The following TMEM165 variants were observed in gnomAD, a reference collection of about 807,000 sequenced individuals.
TMEM165 encodes transmembrane protein 165.
In TMEM165, 19 loss-of-function variants were observed where a neutral mutation model predicts 30.0. The observed-to-expected ratio is 0.63, with a 90% CI of 0.44 to 0.93. The LOEUF (loss-of-function observed/expected upper bound fraction) is 0.93, where lower values mean the gene tolerates loss of function less well. Among genes scored for constraint, TMEM165 ranks in the 40% least tolerant of loss-of-function variants. TMEM165 has a pLI of 0.00. For missense variants in TMEM165, 340 were observed against 417.0 expected, an observed-to-expected ratio of 0.82 and a Z score of 1.61; for synonymous variants, 168 against 162.9, an observed-to-expected ratio of 1.03 and a Z score of -0.24.
At chr4:55,446,910 T>C (rs1723899264) in intron 3 of TMEM165, among the ~76,000 whole-genome samples, 1 of 152,230 alleles carries the variant, frequency 6.6e-6, no homozygotes, top group South Asian at 2.1e-4. Context: ...ATAGTTTGTA[T>C]TTGGGATACT....
rs201399214 is a variant in TMEM165 at position 55,405,498 on chromosome 4, AT to A, written c.208-6115del. Among the ~76,000 whole-genome samples the A allele has an allele frequency of 6.4e-3, 980 of 152,288 alleles. 17 individuals are homozygous for A. Among genetic ancestry groups the A allele is most frequent in the African/African-American group, 0.022 (910 of 41,556 alleles). ...AATGCTTTTTATCACCCCAAGTGGAATGTATATGAAACCAAACCCCTTGTTT... is the reference window on the plus strand; with the variant it reads ...AATGCTTTTTATCACCCCAAGTGGAAGTATATGAAACCAAACCCCTTGTTT... On this transcript the variant is annotated intron_variant, in intron 1 of 5. Transcript: ENST00000381334.
chr4:55,416,907 G>A (rs1721753739), intron 2 of TMEM165, 165 bp from the exon 3 acceptor site: 2 of 562,150 alleles, frequency 3.6e-6, no homozygotes, highest in East Asian at 6.6e-5. Flanking sequence ...TTTATTATTG[G>A]TGGAGAGAAA....
chr4:55,450,141 G>C, intron 3 of TMEM165: 2 of 1,614,138 alleles, frequency 1.2e-6, no homozygotes, highest in Non-Finnish European at 1.7e-6. Context: ...ACTCCGAGAA[G>C]AGGCAGAAGG....
At chr4:55,410,815 CTGAAA>C (rs1721464290) in intron 1 of TMEM165, among the ~76,000 whole-genome samples, 1 of 152,112 alleles carries the variant, frequency 6.6e-6, no homozygotes, top group African/African-American at 2.4e-5. Context: ...AGAACTAAAT[CTGAAA>C]TCACAAATGC....
chr4:55,429,073 C>T (rs1170612561), downstream of TMEM165: 1 of 148,344 alleles, frequency 6.7e-6, no homozygotes, highest in African/African-American at 2.5e-5. Flanking sequence ...AAGGTAACAA[C>T]TTATTTTAAC....
At chr4:55,450,160 T>C in intron 3 of TMEM165, 3 of 1,614,084 alleles carry the variant, frequency 1.9e-6, no homozygotes, top group Non-Finnish European at 2.5e-6. Flanking sequence ...GGGGTTGGGC[T>C]GTGATCAAAC....
At chr4:55,428,652 A>T (rs1722334483), downstream of TMEM165, 1 of 152,190 alleles carries the variant, frequency 6.6e-6, no homozygotes, top group Admixed American at 6.5e-5. Flanking sequence ...TTAATTTAAA[A>T]CCAAGAACCA....
intron 3 of TMEM165, chr4:55,435,410 G>A (rs777468917): frequency 2.3e-5 from 37 of 1,613,722 alleles, no homozygotes; most frequent in African/African-American, 1.2e-4. Context: ...GAGGAAGCAC[G>A]TGTGCTACTG....
At chr4:55,411,952 A>G in intron 2 of TMEM165, 113 bp downstream of exon 2, 1 of 987,858 alleles carries the variant, frequency 1.0e-6, no homozygotes, top group South Asian at 1.4e-5. Flanking sequence ...CTTACACCTT[A>G]TTTGTGGTCT....
intron 1 of TMEM165, 26 bp downstream of exon 1, chr4:55,396,422 G>T: frequency 7.1e-7 from 1 of 1,416,748 alleles, no homozygotes; most frequent in Non-Finnish European, 9.1e-7. Context: ...TGGGGCGAGC[G>T]AGGCTGCAGG....
intron 1 of TMEM165, 87 bp from the exon 2 acceptor site, chr4:55,411,527 T>C: frequency 3.1e-6 from 4 of 1,274,058 alleles, no homozygotes; most frequent in Non-Finnish European, 4.4e-6. Flanking sequence ...GACAAGAAAA[T>C]TTTCAAAAAA....
intron 3 of TMEM165, chr4:55,449,494 T>C (rs1474602727): frequency 4.3e-6 from 7 of 1,613,798 alleles, no homozygotes; most frequent in Non-Finnish European, 5.1e-6. Flanking sequence ...TTGGTTGGTG[T>C]TGCTGAAGTC....
intron 3 of TMEM165, among the ~76,000 whole-genome samples, chr4:55,440,710 C>T (rs1181796232): frequency 6.6e-6 from 1 of 152,122 alleles, no homozygotes. Flanking sequence ...TAAATTAATA[C>T]CTGAATTAGC....
At chr4:55,429,870 G>A (rs1254527831), downstream of TMEM165, 1 of 152,194 alleles carries the variant, frequency 6.6e-6, no homozygotes, top group Non-Finnish European at 1.5e-5. Flanking sequence ...AGGGGCATCT[G>A]GAGTTGGCCC....
In TMEM165 at chr4:55,419,245, G is replaced by A. The variant is rs112123359; in HGVS notation, c.792+1260G>A. On this transcript the variant is annotated intron_variant, in intron 4 of 5. Transcript: ENST00000381334. ...GCCTGAAACTTCCTGCCTCAGCCTC[G>A]CAAATAATCCTTCTGGGATTATAGG... 5.3e-3 allele frequency among the ~76,000 whole-genome samples: 804 copies of A among 152,210 alleles called. 4 individuals are homozygous for A. Among genetic ancestry groups the A allele is most frequent in the Non-Finnish European group, 9.1e-3 (621 of 68,016 alleles).
intron 1 of TMEM165, among the ~76,000 whole-genome samples, chr4:55,398,267 A>G (rs1328618949): frequency 6.6e-6 from 1 of 152,362 alleles, no homozygotes; most frequent in Non-Finnish European, 1.5e-5. Flanking sequence ...CTAACTGCCT[A>G]TGAGGAGATT....
At chr4:55,400,045 A>G (rs114205334) in intron 1 of TMEM165, among the ~76,000 whole-genome samples, 4,546 of 135,836 alleles carry the variant, frequency 0.033, 241 homozygotes, top group African/African-American at 0.12. Flanking sequence ...GGGTCTCACT[A>G]TGTTGCTCAG....
chr4:55,445,569 C>A (rs1221724483), intron 3 of TMEM165, among the ~76,000 whole-genome samples: 2 of 112,286 alleles, frequency 1.8e-5, no homozygotes, highest in East Asian at 7.0e-4. Flanking sequence ...TCTGCATCTG[C>A]TATTTCTATA....
At chr4:55,442,200 T>C in intron 3 of TMEM165, 1 of 527,060 alleles carries the variant, frequency 1.9e-6, no homozygotes, top group East Asian at 3.4e-5. Flanking sequence ...TTGTATTCTA[T>C]AATATTTTGT....
Sources: gnomAD v4.1 joint callset for allele counts (sites outside exome capture counted in the v4.1 genomes callset) on GRCh38, gnomAD v4.1.1 for gene constraint, MANE v1.5 for transcripts, NCBI Gene and HGNC (gene_info 2026-07-23, HGNC 2026-07-21) for gene names.